PMS2: variants seen among roughly 807,000 people sequenced by gnomAD.
PMS2 encodes PMS1 homolog 2, mismatch repair system component.
Under a neutral mutation model 90.0 loss-of-function variants are expected in PMS2, and 69 were observed. The ratio of observed to expected loss-of-function variants is 0.77; its 90% CI spans 0.63 to 0.94. The LOEUF is 0.94. Ranked by LOEUF, PMS2 falls within the 40% of genes least tolerant of loss-of-function variation. The pLI is 0.00. For synonymous variants in PMS2, 332 were observed against 375.1 expected (o/e 0.89, Z 1.33); for missense variants, 966 against 1,040.2 (o/e 0.93, Z 0.98).
rs1340897315 is a variant in PMS2 at position 6,009,039 on chromosome 7, C to T, written c.-20G>A. The T allele has an allele frequency of 3.1e-6, 5 of 1,612,406 alleles. No individual in the cohort carries two copies. The highest frequency in any genetic ancestry group is 2.2e-5 in the South Asian group (2 of 91,022). On this transcript the variant is annotated 5_prime_UTR_variant, in exon 1 of 15. Transcript: ENST00000265849. ...CTCCATGGATGCAACACCCGATCCG[C>T]CTCGGGGACTGGGAAAGTTCCCTCC...
chr7:5,997,422 A>G lies in PMS2; in HGVS notation c.707T>C (p.Leu236Ser). The part of the protein sequence containing the change: ...NIGSVFGQKQ[L>S]QSLIPFVQLP... ...CTGAACAAAAGGAATGAGGCTTTGC[A>G]ACTGAAAAAAAAAAAAAAAAATTCA... The change falls in exon 7 of 15, where the codon TTG becomes TCG. Residue 236 changes from leucine to serine, a missense_variant and splice_region_variant. Physicochemically the swap from Leu to Ser is moderately radical, Grantham distance 145. This residue lies in a region of PMS2 where 871 missense variants were observed against 802.4 expected (regional missense o/e 1.09). Transcript: ENST00000265849. 6.7e-7 allele frequency: 1 copy of G among 1,486,770 alleles called. No individual in the cohort carries two copies. The highest frequency in any genetic ancestry group is 1.9e-5 in the Admixed American group (1 of 52,674). The allele number at this position is 1,486,770 out of a possible 1,614,324, so 92.1% of individuals were successfully genotyped here.
In PMS2 at chr7:5,987,240, G is replaced by A. The variant is rs2128728759; in HGVS notation, c.1525C>T (p.Pro509Ser). 1 of 1,614,030 alleles carries A rather than the reference G, an allele frequency of 6.2e-7. No homozygotes were observed. Among genetic ancestry groups the A allele is most frequent in the South Asian group, 1.1e-5 (1 of 91,084 alleles). The change falls in exon 11 of 15, where the codon CCA becomes TCA. Residue 509 changes from proline (P) to serine (S), a missense_variant. By Grantham distance (74) the Pro-to-Ser change is moderately conservative (BLOSUM62 -1). This residue lies in a region of PMS2 where 871 missense variants were observed against 802.4 expected (regional missense o/e 1.09). Coordinates refer to ENST00000265849, the MANE Select transcript of PMS2 (RefSeq NM_000535.7). ...CTGCTGCAGTGACTGCCCGTGTCTG[G>A]GATGCTGAACCCCTCAGAATCCACG... ...TSVDSEGFSI[P>S]DTGSHCSSEY...
intron 6 of PMS2, among the ~76,000 whole-genome samples, 159 bp downstream of exon 6, chr7:5,998,949 C>T (rs1178566204): frequency 6.6e-6 from 1 of 151,180 alleles, no homozygotes; most frequent in Non-Finnish European, 1.5e-5. Context: ...AAGACAACAC[C>T]ACTGCACTCC....
chr7:5,973,281 G>T lies in PMS2; in HGVS notation c.*118C>A. On this transcript the variant is annotated 3_prime_UTR_variant, in exon 15 of 15. Coordinates refer to ENST00000265849, the MANE Select transcript of PMS2 (RefSeq NM_000535.7). ...CTCAAGATCACTTTTAAATGGGTGT[G>T]ATGTGTATTTTTTTTAAGTAGCAGG... 8.7e-7 allele frequency: 1 copy of T among 1,155,492 alleles called. No individual in the cohort carries two copies. Among genetic ancestry groups the T allele is most frequent in the Non-Finnish European group, 1.3e-6 (1 of 794,576 alleles). 71.6% of individuals were successfully genotyped at this position (1,155,492 alleles called of 1,614,324 possible).
intron 10 of PMS2, 30 bp downstream of exon 10, chr7:5,989,770 G>A (rs564243402): frequency 6.4e-7 from 1 of 1,574,078 alleles, no homozygotes; most frequent in South Asian, 1.1e-5. Context: ...AAAAGCTTTA[G>A]AAGCTGTTTG....
rs1270364074 is a variant in PMS2 at position 5,973,217 on chromosome 7, A to G, written c.*182T>C. 1.1e-5 allele frequency: 6 copies of G among 535,024 alleles called. 1 individual carries two copies. The highest frequency in any genetic ancestry group is 7.3e-5 in the South Asian group (4 of 55,066). 33.1% of individuals were successfully genotyped at this position (535,024 alleles called of 1,614,324 possible). On this transcript the variant is annotated 3_prime_UTR_variant, in exon 15 of 15. Transcript: ENST00000265849. ...CGAGCGCATGCAAACATAGAGAAAAAAAATTTGCAAGCAATGCTCCATCTG... is the reference window on the plus strand; with the variant it reads ...CGAGCGCATGCAAACATAGAGAAAAGAAATTTGCAAGCAATGCTCCATCTG...
At chr7:5,996,954 C>G (rs1257440618) in intron 7 of PMS2, among the ~76,000 whole-genome samples, 1 of 152,110 alleles carries the variant, frequency 6.6e-6, no homozygotes, top group African/African-American at 2.4e-5. Flanking sequence ...GTGGCTCATG[C>G]CTGTAATCCC....
At position 5,995,288 on chromosome 7, in the gene PMS2, C is replaced by T. The variant is rs542568831; in HGVS notation, c.903+246G>A. Among the ~76,000 whole-genome samples, 18 of 152,248 alleles carry T rather than the reference C, an allele frequency of 1.2e-4. No individual in the cohort carries two copies. In the East Asian group the frequency reaches 1.7e-3, roughly 15 times the overall value. ...CTGGCCTCAGGCAATCCACCCGCCT[C>T]GGCCTCCCAAAGTGCTGGGATTACA... On this transcript the variant is annotated intron_variant, in intron 8 of 14. Coordinates refer to ENST00000265849, the MANE Select transcript of PMS2 (RefSeq NM_000535.7).
intron 7 of PMS2, among the ~76,000 whole-genome samples, chr7:5,996,871 C>T (rs1276164456): frequency 6.6e-6 from 1 of 152,072 alleles, no homozygotes; most frequent in Non-Finnish European, 1.5e-5. Context: ...TTGTATAAAT[C>T]ATCTTTCTTA....
Position 5,987,175 on chromosome 7 carries a change from C to T in PMS2, c.1590G>A (p.Gln530=), listed in dbSNP as rs763486474. The T allele has an allele frequency of 6.2e-7, 1 of 1,614,050 alleles. No homozygotes were observed. The highest frequency in any genetic ancestry group is 1.1e-5 in the South Asian group (1 of 91,088). Residue 530 remains glutamine, a synonymous_variant, in exon 11 of 15, where the codon CAG becomes CAA. Transcript: ENST00000265849. ...AASSPGDRGS[Q]EHVDSQEKAP... ...CTTTCTCCTGAGAGTCCACATGTTC[C>T]TGCGAGCCCCTGTCCCCTGGGGAGC... is the stretch of plus-strand genomic sequence containing the variant.
In PMS2 at chr7:6,004,009, A is replaced by G. The variant is rs1554304994; in HGVS notation, c.213T>C (p.Asn71=). 6.2e-7 allele frequency: 1 copy of G among 1,606,024 alleles called. No individual in the cohort carries two copies. The highest frequency in any genetic ancestry group is 8.5e-7 in the Non-Finnish European group (1 of 1,174,442). Residue 71 remains asparagine (N), a synonymous_variant, in exon 3 of 15, where the codon AAT becomes AAC. Coordinates refer to ENST00000265849, the MANE Select transcript of PMS2 (RefSeq NM_000535.7). ...AGTTTTCTTCTTCTACCCCACATCC[A>G]TTGTCTGAAACTTCAATAAGATCCA... ...YGVDLIEVSD[N]GCGVEEENFE...
At chr7:6,007,238 C>G (rs1317184905) in intron 1 of PMS2, among the ~76,000 whole-genome samples, 1 of 152,090 alleles carries the variant, frequency 6.6e-6, no homozygotes, top group Non-Finnish European at 1.5e-5. Flanking sequence ...ATCTCAGCCT[C>G]CCAAGTAGCT....
chr7:5,993,429 A>T (rs76762428), intron 8 of PMS2, among the ~76,000 whole-genome samples: 1 of 147,728 alleles, frequency 6.8e-6, no homozygotes, highest in East Asian at 2.0e-4. Flanking sequence ...CTGAGGTACA[A>T]TGTGTTGCTA....
chr7:5,999,974 T>A (rs557766703), intron 5 of PMS2, among the ~76,000 whole-genome samples: 2 of 152,008 alleles, frequency 1.3e-5, no homozygotes, highest in Non-Finnish European at 2.9e-5. Flanking sequence ...TAAGCAAGCA[T>A]CATTGAGGAG....
intron 12 of PMS2, among the ~76,000 whole-genome samples, chr7:5,982,349 G>T (rs1782374259): frequency 6.6e-6 from 1 of 152,224 alleles, no homozygotes; most frequent in African/African-American, 2.4e-5. Flanking sequence ...GGGACTACAG[G>T]CGCCCGCCAC....
chr7:6,005,501 G>C (rs940331059), intron 2 of PMS2, among the ~76,000 whole-genome samples: 2 of 152,124 alleles, frequency 1.3e-5, no homozygotes, highest in Non-Finnish European at 2.9e-5. Flanking sequence ...ACTATGCCTG[G>C]CCTACTTTAT....
intron 8 of PMS2, among the ~76,000 whole-genome samples, chr7:5,993,124 A>C (rs1337492610): frequency 6.6e-6 from 1 of 152,170 alleles, no homozygotes; most frequent in Non-Finnish European, 1.5e-5. Context: ...TAATCCCAGC[A>C]CTTTGGGAGG....
chr7:5,995,860 A>G (rs2128777957), intron 7 of PMS2, among the ~76,000 whole-genome samples: 2 of 152,304 alleles, frequency 1.3e-5, no homozygotes, highest in South Asian at 2.1e-4. Context: ...AATGCACCAC[A>G]GGTGATGCAG....
rs1371037211 is a variant in PMS2 at position 5,989,875 on chromosome 7, T to C, written c.1069A>G (p.Thr357Ala). 1 of 1,611,910 alleles carries C rather than the reference T, an allele frequency of 6.2e-7. No individual in the cohort carries two copies. Among genetic ancestry groups the C allele is most frequent in the African/African-American group, 1.3e-5 (1 of 74,910 alleles). ...EEKLLLAVLK[T>A]SLIGMFDSDV... Reference sequence around the variant, plus strand: ...CTATCAAACATTCCTATCAAAGAGGTCTTTAAAACTGCCAACAAAAGCTTT... The same window carrying C: ...CTATCAAACATTCCTATCAAAGAGGCCTTTAAAACTGCCAACAAAAGCTTT... Residue 357 changes from threonine (T) to alanine (A), a missense_variant, in exon 10 of 15, where the codon ACC (threonine) becomes GCC (alanine). Around this residue, in one of 2 missense-constraint regions of PMS2, gnomAD observed 871 missense variants for 802.4 expected, o/e 1.09. Coordinates refer to ENST00000265849, the MANE Select transcript of PMS2 (RefSeq NM_000535.7).
Sources: allele counts gnomAD v4.1 joint callset (sites outside exome capture counted in the v4.1 genomes callset), GRCh38; gene constraint gnomAD v4.1.1; regional missense constraint gnomAD v4.1.1; transcripts MANE v1.5; gene names NCBI Gene and HGNC (gene_info 2026-07-23, HGNC 2026-07-21).